Variants in AKAP6 observed in about 807,000 individuals in gnomAD.
AKAP6 encodes the protein A-kinase anchoring protein 6.
In AKAP6, 58 loss-of-function variants were observed where a neutral mutation model predicts 188.5. The ratio of observed to expected loss-of-function variants is 0.31; its 90% CI spans 0.25 to 0.38. AKAP6 has a LOEUF of 0.38. Among genes scored for constraint, AKAP6 ranks in the 10% least tolerant of loss-of-function variants. The pLI is 1.00. For synonymous variants in AKAP6, 989 were observed against 998.6 expected (o/e 0.99, Z 0.18); for missense variants, 2,710 against 2,740.0 (o/e 0.99, Z 0.24).
intron 7 of AKAP6, among the ~76,000 whole-genome samples, chr14:32,665,126 G>A: frequency 6.6e-6 from 1 of 152,000 alleles, no homozygotes; most frequent in East Asian, 1.9e-4. Context: ...GGTGGGGAGA[G>A]TTCTCCCCAT....
chr14:32,764,808 C>A lies in AKAP6; in HGVS notation c.3373-8870C>A, dbSNP rs948176025. Among the ~76,000 whole-genome samples, 28 of 151,756 alleles carry A rather than the reference C, an allele frequency of 1.8e-4. No individual in the cohort carries two copies. In the South Asian group the frequency reaches 2.7e-3, roughly 15 times the overall value. Reference sequence around the variant, plus strand: ...AAAATGTGTGGCACACATAAATATACAAAAAATGTTGGTCATTACTGCTGG... The same window carrying A: ...AAAATGTGTGGCACACATAAATATAAAAAAAATGTTGGTCATTACTGCTGG... On this transcript the variant is annotated intron_variant, in intron 11 of 13. Coordinates refer to ENST00000280979, the MANE Select transcript of AKAP6 (RefSeq NM_004274.5).
chr14:32,649,314 C>G (rs1253686584), intron 7 of AKAP6, among the ~76,000 whole-genome samples: 1 of 152,148 alleles, frequency 6.6e-6, no homozygotes, highest in Non-Finnish European at 1.5e-5. Flanking sequence ...TGGAATAAAG[C>G]AGAAGAACCC....
Position 32,822,984 on chromosome 14 carries a change from G to A in AKAP6, c.5171G>A (p.Arg1724His), listed in dbSNP as rs748631841. 32 of 1,613,724 alleles carry A rather than the reference G, an allele frequency of 2.0e-5. 1 individual carries two copies. In the Admixed American group the frequency reaches 2.5e-4, roughly 13 times the overall value. Residue 1724 changes from arginine (R) to histidine (H), a missense_variant, in exon 13 of 14, where the codon CGT becomes CAT. Arg to His is a conservative substitution (Grantham distance 29). Around this residue, in one of 2 missense-constraint regions of AKAP6, gnomAD observed 2,473 missense variants for 2,426.1 expected, o/e 1.02. Coordinates refer to ENST00000280979, the MANE Select transcript of AKAP6 (RefSeq NM_004274.5). ...GCATCGTTCAGGAAGCGTCTGACTCGTTCAGTGGCTGATGAAAGCGATGTC... is the reference window on the plus strand; with the variant it reads ...GCATCGTTCAGGAAGCGTCTGACTCATTCAGTGGCTGATGAAAGCGATGTC... ...SNASFRKRLT[R>H]SVADESDVNV...
intron 2 of AKAP6, among the ~76,000 whole-genome samples, chr14:32,517,893 C>T (rs529082698): frequency 2.0e-5 from 3 of 152,344 alleles, no homozygotes; most frequent in South Asian, 2.1e-4. Flanking sequence ...GACAGACCGC[C>T]TCCTCAAGTG....
At chr14:32,690,745 A>G (rs893687697) in intron 8 of AKAP6, among the ~76,000 whole-genome samples, 2 of 152,182 alleles carry the variant, frequency 1.3e-5, no homozygotes, top group Non-Finnish European at 2.9e-5. Flanking sequence ...TTATAGTTCT[A>G]TATTTGTCTA....
intron 1 of AKAP6, among the ~76,000 whole-genome samples, chr14:32,417,062 G>C (rs144666833): frequency 5.9e-5 from 9 of 151,698 alleles, no homozygotes; most frequent in African/African-American, 2.2e-4. Flanking sequence ...GGCTGGTCTC[G>C]AGCTCCTGTT....
At chr14:32,466,504 C>T (rs1005920548) in intron 2 of AKAP6, among the ~76,000 whole-genome samples, 6 of 152,026 alleles carry the variant, frequency 3.9e-5, no homozygotes, top group African/African-American at 1.5e-4. Flanking sequence ...CATGTTCTCA[C>T]ACATAAGTGG....
At chr14:32,583,821 C>T (rs1355839779) in intron 5 of AKAP6, among the ~76,000 whole-genome samples, 4 of 152,098 alleles carry the variant, frequency 2.6e-5, no homozygotes, top group South Asian at 2.1e-4. Flanking sequence ...TTTTTAAGCC[C>T]GTCAGAAAAA....
chr14:32,340,199 G>A (rs1479640949), intron 1 of AKAP6, among the ~76,000 whole-genome samples: 3 of 151,262 alleles, frequency 2.0e-5, no homozygotes, highest in African/African-American at 7.3e-5. Flanking sequence ...AAACATATTT[G>A]TTTTTATTAA....
chr14:32,498,429 C>G (rs563268011), intron 2 of AKAP6, among the ~76,000 whole-genome samples: 6 of 152,068 alleles, frequency 3.9e-5, no homozygotes, highest in Non-Finnish European at 7.4e-5. Flanking sequence ...ATTCTAAGCA[C>G]TATTTAGTAA....
intron 2 of AKAP6, among the ~76,000 whole-genome samples, chr14:32,456,543 G>A (rs371733802): frequency 2.0e-4 from 30 of 152,166 alleles, no homozygotes; most frequent in African/African-American, 6.8e-4. Context: ...CTGATGACAA[G>A]TCTTTTAAAG....
chr14:32,812,555 G>T (rs1318307695), intron 12 of AKAP6, among the ~76,000 whole-genome samples: 4 of 152,130 alleles, frequency 2.6e-5, no homozygotes, highest in African/African-American at 9.7e-5. Context: ...GACATGTAAA[G>T]CAACAGTCAA....
intron 5 of AKAP6, among the ~76,000 whole-genome samples, chr14:32,590,597 A>G (rs1454561453): frequency 3.9e-5 from 6 of 152,308 alleles, no homozygotes; most frequent in African/African-American, 1.4e-4. Context: ...TCTACAAGTT[A>G]TTTCCTCTAC....
intron 1 of AKAP6, among the ~76,000 whole-genome samples, chr14:32,429,263 G>A (rs188685771): frequency 6.6e-6 from 1 of 152,252 alleles, no homozygotes; most frequent in East Asian, 1.9e-4. Context: ...TTGTAAACAA[G>A]AATTCAAATC....
chr14:32,834,379 T>C lies in AKAP6; in HGVS notation c.*4574T>C, dbSNP rs967921569. 6.6e-6 allele frequency: 1 copy of C among 151,810 alleles called. No individual in the cohort carries two copies. The highest frequency in any genetic ancestry group is 1.5e-5 in the Non-Finnish European group (1 of 67,970). The allele number at this position is 151,810 out of a possible 1,614,324, so 9.4% of individuals were successfully genotyped here. Reference sequence around the variant, plus strand: ...CCAGCCTGGGCAAGAAGAGTGAAATTTTGTCTCAAAAAAAAAAATGTAATA... The same window carrying C: ...CCAGCCTGGGCAAGAAGAGTGAAATCTTGTCTCAAAAAAAAAAATGTAATA... On this transcript the variant is annotated 3_prime_UTR_variant, in exon 14 of 14. Transcript: ENST00000280979.
At chr14:32,794,531 G>A (rs1594952469) in intron 12 of AKAP6, among the ~76,000 whole-genome samples, 1 of 152,162 alleles carries the variant, frequency 6.6e-6, no homozygotes, top group African/African-American at 2.4e-5. Flanking sequence ...CTGCATTCCA[G>A]CCTGGGCAAA....
intron 7 of AKAP6, among the ~76,000 whole-genome samples, chr14:32,622,620 T>C (rs1358683835): frequency 6.6e-6 from 1 of 152,154 alleles, no homozygotes; most frequent in Non-Finnish European, 1.5e-5. Context: ...ATGAAATATA[T>C]GAAATTATCG....
At chr14:32,525,428 T>G in intron 2 of AKAP6, among the ~76,000 whole-genome samples, 1 of 152,256 alleles carries the variant, frequency 6.6e-6, no homozygotes, top group East Asian at 1.9e-4. Flanking sequence ...CTGACAGAAC[T>G]TCTAATTGGT....
At chr14:32,680,400 C>A (rs947255741) in intron 8 of AKAP6, among the ~76,000 whole-genome samples, 9 of 152,304 alleles carry the variant, frequency 5.9e-5, no homozygotes, top group African/African-American at 2.2e-4. Context: ...ATCCTTAATT[C>A]TAAAGCCTTA....
Sources: gnomAD v4.1 joint callset for allele counts (sites outside exome capture counted in the v4.1 genomes callset) on GRCh38, gnomAD v4.1.1 for gene constraint, gnomAD v4.1.1 regional missense constraint, MANE v1.5 for transcripts, NCBI Gene and HGNC (gene_info 2026-07-23, HGNC 2026-07-21) for gene names.